GALNT17: variants seen among roughly 807,000 people sequenced by gnomAD.
GALNT17 encodes the protein polypeptide N-acetylgalactosaminyltransferase 17.
GALNT17 carries 29 observed loss-of-function variants against 63.7 expected under a neutral mutation model. That is an observed-to-expected ratio of 0.46 (90% confidence interval 0.34 to 0.62). GALNT17 has a LOEUF of 0.62. Among genes scored for constraint, GALNT17 ranks in the 20% least tolerant of loss-of-function variants. The probability of loss-of-function intolerance (pLI) is 0.01; values close to 1 mark genes in which losing one functional copy is unlikely to be tolerated. For missense variants in GALNT17, 603 were observed against 799.6 expected (o/e 0.75, Z 2.97); for synonymous variants, 305 against 318.3 (o/e 0.96, Z 0.45).
chr7:71,618,210 CT>C (rs1486408672), intron 6 of GALNT17, among the ~76,000 whole-genome samples: 3 of 152,116 alleles, frequency 2.0e-5, no homozygotes, highest in Admixed American at 6.5e-5. Context: ...TTCCTTTATT[CT>C]ACCATTAATG....
intron 2 of GALNT17, among the ~76,000 whole-genome samples, chr7:71,336,972 T>G (rs932351768): frequency 2.0e-5 from 3 of 152,234 alleles, no homozygotes; most frequent in Non-Finnish European, 2.9e-5. Flanking sequence ...AACCATTACC[T>G]TTTCTTCACA....
At chr7:71,176,701 T>G (rs1303787062) in intron 1 of GALNT17, among the ~76,000 whole-genome samples, 1 of 152,146 alleles carries the variant, frequency 6.6e-6, no homozygotes, top group African/African-American at 2.4e-5. Context: ...TGGGTCCCTA[T>G]AGGAGGCTGT....
chr7:71,394,961 G>A (rs1433948650), intron 3 of GALNT17, among the ~76,000 whole-genome samples: 1 of 152,010 alleles, frequency 6.6e-6, no homozygotes, highest in Non-Finnish European at 1.5e-5. Flanking sequence ...AATTAGCTGG[G>A]TGTGGTGGCA....
At chr7:71,507,408 A>T (rs1788286013) in intron 5 of GALNT17, among the ~76,000 whole-genome samples, 1 of 152,204 alleles carries the variant, frequency 6.6e-6, no homozygotes, top group Non-Finnish European at 1.5e-5. Flanking sequence ...AGCTAAAATG[A>T]GGAAAACACT....
intron 9 of GALNT17, among the ~76,000 whole-genome samples, chr7:71,701,718 G>A (rs982464267): frequency 1.4e-5 from 2 of 142,586 alleles, no homozygotes; most frequent in Non-Finnish European, 3.0e-5. Context: ...AAGAAAATGT[G>A]GTGTATGTAT....
At chr7:71,482,552 C>G (rs1005488933) in intron 5 of GALNT17, among the ~76,000 whole-genome samples, 2 of 152,210 alleles carry the variant, frequency 1.3e-5, no homozygotes, top group African/African-American at 4.8e-5. Flanking sequence ...CTATTACACT[C>G]CTAGCCTGTA....
At chr7:71,490,703 C>T (rs1787991993) in intron 5 of GALNT17, among the ~76,000 whole-genome samples, 1 of 147,914 alleles carries the variant, frequency 6.8e-6, no homozygotes, top group South Asian at 2.2e-4. Context: ...AGTTTGAGAC[C>T]AGCCTGGGCA....
intron 5 of GALNT17, among the ~76,000 whole-genome samples, chr7:71,554,642 C>T (rs895994291): frequency 2.0e-5 from 3 of 152,182 alleles, no homozygotes; most frequent in Non-Finnish European, 2.9e-5. Flanking sequence ...GCCCATAGCA[C>T]GCTGCAAGAC....
rs1215379848 is a variant in GALNT17 at position 71,383,056 on chromosome 7, G to C, written c.423-5179G>C. Among the ~76,000 whole-genome samples, 3 of 152,070 alleles carry C rather than the reference G, an allele frequency of 2.0e-5. No homozygotes were observed. The East Asian group carries it at 5.8e-4, about 29-fold the overall frequency. On this transcript the variant is annotated intron_variant, in intron 2 of 10. Coordinates refer to ENST00000333538, the MANE Select transcript of GALNT17 (RefSeq NM_022479.3). ...AACCTCTTTTCTATTTTCTGTCAAT[G>C]AATTGGACCATTCTAGGTAACTCCT...
At chr7:71,356,781 AGC>A (rs1202985676) in intron 2 of GALNT17, among the ~76,000 whole-genome samples, 57 of 152,152 alleles carry the variant, frequency 3.7e-4, no homozygotes, top group African/African-American at 1.3e-3. Context: ...TTCTGCAGTG[AGC>A]ATATATATAT....
chr7:71,489,452 A>C (rs1390186081), intron 5 of GALNT17, among the ~76,000 whole-genome samples: 1 of 152,216 alleles, frequency 6.6e-6, no homozygotes, highest in Non-Finnish European at 1.5e-5. Context: ...TAAGTGACTT[A>C]ACTGTTCTGA....
At chr7:71,415,621 T>A in intron 3 of GALNT17, among the ~76,000 whole-genome samples, 1 of 152,134 alleles carries the variant, frequency 6.6e-6, no homozygotes, top group East Asian at 1.9e-4. Context: ...GTCTGCCGGC[T>A]CATAGCAGCC....
rs1459915862 is a variant in GALNT17 at position 71,323,347 on chromosome 7, A to C, written c.239-12203A>C. ...GCCATCACTCTGGAATTTCTGCACC[A>C]AATGGGGTTGTGGGGCTAGCTGACC... On this transcript the variant is annotated intron_variant, in intron 1 of 10. Transcript: ENST00000333538. Among the ~76,000 whole-genome samples the C allele has an allele frequency of 2.0e-5, 3 of 152,182 alleles. No individual in the cohort carries two copies. In the East Asian group the frequency reaches 5.8e-4, roughly 29 times the overall value.
At chr7:71,442,482 A>G (rs1384698489) in intron 5 of GALNT17, among the ~76,000 whole-genome samples, 1 of 152,136 alleles carries the variant, frequency 6.6e-6, no homozygotes, top group African/African-American at 2.4e-5. Flanking sequence ...TACAGGCGTG[A>G]GCCACCGGCC....
At chr7:71,522,683 C>T (rs747288262) in intron 5 of GALNT17, among the ~76,000 whole-genome samples, 39 of 152,074 alleles carry the variant, frequency 2.6e-4, no homozygotes, top group Non-Finnish European at 2.1e-4. Context: ...AGAGCCAAAC[C>T]GCATCACAGA....
intron 5 of GALNT17, among the ~76,000 whole-genome samples, chr7:71,548,323 C>T (rs1477639206): frequency 6.6e-6 from 1 of 151,890 alleles, no homozygotes; most frequent in Admixed American, 6.6e-5. Context: ...GCATTCCTGT[C>T]ACACTGTGCC....
intron 2 of GALNT17, 70 bp from the exon 3 acceptor site, chr7:71,388,165 T>TA: frequency 3.9e-6 from 6 of 1,520,184 alleles, no homozygotes; most frequent in Non-Finnish European, 5.4e-6. Flanking sequence ...AATCTTACAC[T>TA]ATGTCCAGCT....
rs533880943 is a variant in GALNT17 at position 71,710,182 on chromosome 7, T to G, written c.1501-579T>G. Reference sequence around the variant, plus strand: ...TCCCCGATGTTGCTGAACAGAAGACTAGGTCCTAAAACATTGACTGAGGAT... The same window carrying G: ...TCCCCGATGTTGCTGAACAGAAGACGAGGTCCTAAAACATTGACTGAGGAT... On this transcript the variant is annotated intron_variant, in intron 9 of 10. Transcript: ENST00000333538. Among the ~76,000 whole-genome samples the G allele has an allele frequency of 6.6e-5, 10 of 152,266 alleles. No homozygotes were observed. In the South Asian group the frequency reaches 2.1e-3, roughly 32 times the overall value.
intron 1 of GALNT17, among the ~76,000 whole-genome samples, chr7:71,317,248 A>G (rs1007891741): frequency 5.3e-5 from 8 of 152,230 alleles, no homozygotes; most frequent in Non-Finnish European, 1.2e-4. Context: ...GTGATGGAAT[A>G]GTGAAGATTG....
Sources: allele counts gnomAD v4.1 joint callset (sites outside exome capture counted in the v4.1 genomes callset), GRCh38; gene constraint gnomAD v4.1.1; transcripts MANE v1.5; gene names NCBI Gene and HGNC (gene_info 2026-07-23, HGNC 2026-07-21).